The following DYNC2I1 variants were observed in gnomAD, a reference collection of about 807,000 sequenced individuals.
DYNC2I1 encodes the protein cytoplasmic dynein 2 intermediate chain 1.
A neutral mutation model predicts 133.4 loss-of-function variants in DYNC2I1; 89 were observed. That is an observed-to-expected ratio of 0.67 (90% CI 0.56 to 0.80). The LOEUF is 0.80. DYNC2I1 is among the 30% of genes least tolerant of loss of function. The pLI, the probability that DYNC2I1 is intolerant of heterozygous loss-of-function variation, is 0.00. For missense variants in DYNC2I1, 1,291 were observed against 1,314.5 expected (o/e 0.98, Z 0.28); for synonymous variants, 504 against 484.3 (o/e 1.04, Z -0.54).
chr7:158,847,956 A>G, the DYNC2I1 span, among the ~76,000 whole-genome samples: 1 of 152,250 alleles, frequency 6.6e-6, no homozygotes, highest in African/African-American at 2.4e-5. Context: ...ATTATAATAG[A>G]TTGTAAAAAT....
At chr7:158,894,720 GC>G in intron 8 of DYNC2I1, among the ~76,000 whole-genome samples, 2 of 152,318 alleles carry the variant, frequency 1.3e-5, no homozygotes, top group Middle Eastern at 6.8e-3. Flanking sequence ...GAGTGTGATT[GC>G]TGGATCATAT....
At chr7:158,937,012 C>T (rs1850826582) in intron 23 of DYNC2I1, among the ~76,000 whole-genome samples, 1 of 152,192 alleles carries the variant, frequency 6.6e-6, no homozygotes, top group Non-Finnish European at 1.5e-5. Flanking sequence ...CAGCAGCAAA[C>T]AGGGAATCAT....
chr7:158,937,995 C>A (rs1328825085), intron 23 of DYNC2I1, among the ~76,000 whole-genome samples: 1 of 151,958 alleles, frequency 6.6e-6, no homozygotes, highest in Non-Finnish European at 1.5e-5. Flanking sequence ...CACAAAAGAC[C>A]AAATCTAAGA....
At chr7:158,927,624 T>C (rs1849762587) in intron 20 of DYNC2I1, among the ~76,000 whole-genome samples, 1 of 151,884 alleles carries the variant, frequency 6.6e-6, no homozygotes, top group African/African-American at 2.4e-5. Context: ...TGATCTTGGC[T>C]CACTGCAACC....
rs774748493 is a variant in DYNC2I1 at position 158,902,358 on chromosome 7, G to C, written c.1138-18G>C. 6.2e-7 allele frequency: 1 copy of C among 1,603,654 alleles called. No individual in the cohort carries two copies. The highest frequency in any genetic ancestry group is 1.3e-5 in the African/African-American group (1 of 74,246). On this transcript the variant is annotated intron_variant, in intron 9 of 24. Transcript: ENST00000407559. ...CAGTTTGTCTTAAAGGGTTCCAAAA[G>C]ATTATTATTGTTTGCAGGACTATGA...
intron 15 of DYNC2I1, among the ~76,000 whole-genome samples, chr7:158,921,951 C>T (rs989319952): frequency 7.2e-5 from 11 of 152,230 alleles, no homozygotes; most frequent in East Asian, 1.9e-4. Flanking sequence ...CTCAGCCGCT[C>T]GCAGCCTTTG....
At position 158,879,863 on chromosome 7, in the gene DYNC2I1, A is replaced by G; in HGVS notation, c.753A>G (p.Lys251=). The change falls in exon 5 of 25, where the codon AAA becomes AAG. Residue 251 remains lysine (K), a synonymous_variant. Transcript: ENST00000407559. ...SKEKSNSFSD[K]GEERHKEKRH... ...AGAAAAGTAATTCATTCTCTGACAA[A>G]GGGGAAGAAAGACATAAAGAAAAGC... 1.2e-6 allele frequency: 2 copies of G among 1,613,786 alleles called. No individual in the cohort carries two copies. The highest frequency in any genetic ancestry group is 2.2e-5 in the South Asian group (2 of 91,050).
chr7:158,942,194 C>T lies in DYNC2I1; in HGVS notation c.3002+46C>T, dbSNP rs776711058. 39 of 1,449,304 alleles carry T rather than the reference C, an allele frequency of 2.7e-5. No homozygotes were observed. In the East Asian group the frequency reaches 6.9e-4, roughly 26 times the overall value. The allele number at this position is 1,449,304 out of a possible 1,614,324, so 89.8% of individuals were successfully genotyped here. On this transcript the variant is annotated intron_variant, in intron 24 of 24. Transcript: ENST00000407559. ...CCAGCTGCTGGTTGTGGGGGGGCTT[C>T]GGCCACGGGTGCCACTTACGGTCTT...
At position 158,871,276 on chromosome 7, in the gene DYNC2I1, C is replaced by T; in HGVS notation, c.204C>T (p.Asp68=). The T allele has an allele frequency of 6.3e-7, 1 of 1,596,828 alleles. No individual in the cohort carries two copies. The highest frequency in any genetic ancestry group is 8.5e-7 in the Non-Finnish European group (1 of 1,171,164). ...RDPDQDARSR[D]RVAEVHTAKE... ...CCGACCAGGATGCCAGGAGCAGAGA[C>T]AGGGTGGCCGAAGTCCACACCGCTA... is the stretch of plus-strand genomic sequence containing the variant. Residue 68 remains aspartate, a synonymous_variant, in exon 3 of 25, where the codon GAC becomes GAT. Transcript: ENST00000407559.
At chr7:158,854,580 G>C (rs1311082929), upstream of DYNC2I1, among the ~76,000 whole-genome samples, 1 of 152,028 alleles carries the variant, frequency 6.6e-6, no homozygotes, top group Non-Finnish European at 1.5e-5. Flanking sequence ...ACCGTGGCAT[G>C]TGTATACCTA....
downstream of DYNC2I1, among the ~76,000 whole-genome samples, chr7:158,949,132 A>C (rs183221979): frequency 6.6e-6 from 1 of 152,076 alleles, no homozygotes; most frequent in Non-Finnish European, 1.5e-5. Flanking sequence ...CCACCGTCCA[A>C]CAGCACCTCT....
At chr7:158,929,081 A>G (rs985731620) in intron 20 of DYNC2I1, among the ~76,000 whole-genome samples, 11 of 152,222 alleles carry the variant, frequency 7.2e-5, no homozygotes, top group Non-Finnish European at 1.3e-4. Context: ...ATATTGATGT[A>G]TAAAAACACC....
intron 4 of DYNC2I1, among the ~76,000 whole-genome samples, chr7:158,955,867 A>T (rs369277262): frequency 5.3e-5 from 8 of 152,244 alleles, no homozygotes; most frequent in African/African-American, 1.9e-4. Flanking sequence ...AGGGATGGGA[A>T]GGTCAAAGGC....
chr7:158,890,183 C>T (rs1045275195), intron 7 of DYNC2I1, among the ~76,000 whole-genome samples: 3 of 152,062 alleles, frequency 2.0e-5, no homozygotes, highest in Non-Finnish European at 4.4e-5. Context: ...ACATTAAAAA[C>T]ATACAGAAGA....
intron 10 of DYNC2I1, chr7:158,903,079 T>A (rs1281706843): frequency 6.3e-6 from 1 of 157,544 alleles, no homozygotes; most frequent in African/African-American, 2.4e-5. Context: ...TCATCATGGT[T>A]TTCCCTGGAG....
intron 5 of DYNC2I1, 149 bp downstream of exon 5, chr7:158,880,138 G>A: frequency 2.4e-6 from 2 of 835,562 alleles, no homozygotes; most frequent in Non-Finnish European, 3.7e-6. Flanking sequence ...TCTTGATTAC[G>A]TGGTTAGTAT....
intron 8 of DYNC2I1, among the ~76,000 whole-genome samples, chr7:158,893,865 A>G (rs1845481538): frequency 6.6e-6 from 1 of 152,108 alleles, no homozygotes. Context: ...CACATATTGT[A>G]CCACATATCA....
Position 158,869,854 on chromosome 7 carries a change from G to C in DYNC2I1, c.16-1G>C. 1.2e-6 allele frequency: 2 copies of C among 1,611,248 alleles called. No individual in the cohort carries two copies. Among genetic ancestry groups the C allele is most frequent in the Non-Finnish European group, 1.7e-6 (2 of 1,177,834 alleles). The stretch of plus-strand genomic sequence containing the variant: ...TTCTAACTTTATACTTTTCTATTTA[G>C]AGAAGAACCAAAGATGATACCTGGA... On this transcript the variant is annotated splice_acceptor_variant, in intron 1 of 24. Transcript: ENST00000407559. LOFTEE classifies it high-confidence loss of function.
Position 158,934,517 on chromosome 7 carries a change from G to A in DYNC2I1, c.2746G>A (p.Asp916Asn). ...GIRPVKVNVI[D>N]FSPFGEPIFL... Reference sequence around the variant, plus strand: ...AAGACCAGTGAAAGTTAATGTCATTGATTTTTCACCATTTGGAGAACCAAT... The same window carrying A: ...AAGACCAGTGAAAGTTAATGTCATTAATTTTTCACCATTTGGAGAACCAAT... Residue 916 changes from aspartate to asparagine, a missense_variant, in exon 23 of 25, where the codon GAT becomes AAT. By Grantham distance (23) the Asp-to-Asn change is conservative. Transcript: ENST00000407559. 2 of 1,559,002 alleles carry A rather than the reference G, an allele frequency of 1.3e-6. No individual in the cohort carries two copies. The highest frequency in any genetic ancestry group is 1.7e-6 in the Non-Finnish European group (2 of 1,150,682).
Sources: gnomAD v4.1 joint callset for allele counts (sites outside exome capture counted in the v4.1 genomes callset) on GRCh38, gnomAD v4.1.1 for gene constraint, MANE v1.5 for transcripts, NCBI Gene and HGNC (gene_info 2026-07-23, HGNC 2026-07-21) for gene names.